Variants in SLC26A4 observed in about 807,000 individuals in gnomAD.
SLC26A4 encodes the protein pendrin.
SLC26A4 carries 93 observed loss-of-function variants against 90.4 expected under a neutral mutation model. The ratio of observed to expected loss-of-function variants is 1.03; its 90% CI spans 0.87 to 1.22. The LOEUF is 1.22. Among genes scored for constraint, SLC26A4 ranks in the 50% most tolerant of loss-of-function variants. The pLI, the probability that SLC26A4 is intolerant of heterozygous loss-of-function variation, is 0.00. For synonymous variants in SLC26A4, 393 were observed against 354.6 expected, an observed-to-expected ratio of 1.11 and a Z score of -1.22; for missense variants, 1,127 against 946.2, an observed-to-expected ratio of 1.19 and a Z score of -2.51.
chr7:107,712,727 TC>T, intron 20 of SLC26A4, 105 bp downstream of exon 20: 2 of 739,366 alleles, frequency 2.7e-6, no homozygotes, highest in Non-Finnish European at 2.4e-6. Context: ...GGAACATAAT[TC>T]CCCCAAATGC....
chr7:107,715,748 CAGTT>C lies in SLC26A4; in HGVS notation c.*305_*308del. 1 of 465,298 alleles carries C rather than the reference CAGTT, an allele frequency of 2.1e-6. No homozygotes were observed. The highest frequency in any genetic ancestry group is 3.9e-6 in the Non-Finnish European group (1 of 255,034). The allele number at this position is 465,298 out of a possible 1,614,324, so 28.8% of individuals were successfully genotyped here. ...ACGTGGGCCCTGGCATATCTCTGTT[CAGTT>C]AGAGTGAGTGCTGACCCAACAGCCT... is the stretch of plus-strand genomic sequence containing the variant. On this transcript the variant is annotated 3_prime_UTR_variant, in exon 21 of 21. Coordinates refer to ENST00000644269, the MANE Select transcript of SLC26A4 (RefSeq NM_000441.2).
Position 107,701,831 on chromosome 7 carries a change from G to A in SLC26A4, c.1808G>A (p.Gly603Asp), listed in dbSNP as rs1791894499. The A allele has an allele frequency of 1.3e-6, 2 of 1,585,856 alleles. No homozygotes were observed. The highest frequency in any genetic ancestry group is 8.7e-7 in the Non-Finnish European group (1 of 1,154,564). ...KSGQLRATKN[G>D]IISDAVSTNN... ...GACAGTGTTTTCTTCGTTTAGAATG[G>A]CATCATAAGTGATGCTGTTTCAACA... is the stretch of plus-strand genomic sequence containing the variant. Residue 603 changes from glycine to aspartate, a missense_variant, in exon 17 of 21, where the codon GGC becomes GAC. Transcript: ENST00000644269.
intron 10 of SLC26A4, among the ~76,000 whole-genome samples, chr7:107,690,703 T>A (rs1173625861): frequency 6.6e-6 from 1 of 152,150 alleles, no homozygotes; most frequent in Non-Finnish European, 1.5e-5. Flanking sequence ...AACAACAGTT[T>A]GCTAGCCAAG....
intron 17 of SLC26A4, among the ~76,000 whole-genome samples, chr7:107,703,033 A>G (rs1437117453): frequency 6.6e-6 from 1 of 152,240 alleles, no homozygotes; most frequent in East Asian, 1.9e-4. Flanking sequence ...AATTCTGTCA[A>G]CAAATAGATG....
intron 15 of SLC26A4, among the ~76,000 whole-genome samples, chr7:107,700,502 G>A (rs1218794717): frequency 6.6e-6 from 1 of 152,194 alleles, no homozygotes; most frequent in Non-Finnish European, 1.5e-5. Context: ...AGGTTAGTTG[G>A]ACTAACAGGC....
At chr7:107,707,417 A>T (rs7777227) in intron 18 of SLC26A4, among the ~76,000 whole-genome samples, 3,785 of 152,286 alleles carry the variant, frequency 0.025, 156 homozygotes, top group African/African-American at 0.086. Flanking sequence ...TTCTTCCCAT[A>T]TAACTCTTTG....
At chr7:107,667,644 A>T (rs566448000) in intron 3 of SLC26A4, among the ~76,000 whole-genome samples, 1 of 152,098 alleles carries the variant, frequency 6.6e-6, no homozygotes, top group South Asian at 2.1e-4. Flanking sequence ...AGATACTAGA[A>T]CGTATTTGTG....
chr7:107,710,248 T>A, intron 19 of SLC26A4, 49 bp downstream of exon 19: 1 of 1,336,878 alleles, frequency 7.5e-7, no homozygotes, highest in Non-Finnish European at 1.1e-6. Context: ...ACTATCATGA[T>A]TTCTATAAAT....
At chr7:107,667,461 T>TAAAA (rs60333058) in intron 3 of SLC26A4, among the ~76,000 whole-genome samples, 1 of 39,258 alleles carries the variant, frequency 2.5e-5, no homozygotes, top group African/African-American at 1.1e-4. Flanking sequence ...AGAGAAGGTT[T>TAAAA]AAAAAAAAAA....
At chr7:107,673,269 G>A (rs760320789) in intron 4 of SLC26A4, among the ~76,000 whole-genome samples, 3 of 151,824 alleles carry the variant, frequency 2.0e-5, no homozygotes, top group Non-Finnish European at 4.4e-5. Flanking sequence ...AGTAGTGAAC[G>A]GAGCAATTGC....
At chr7:107,694,555 A>AT in intron 11 of SLC26A4, 66 bp from the exon 12 acceptor site, 1 of 1,527,978 alleles carries the variant, frequency 6.5e-7, no homozygotes, top group Non-Finnish European at 9.1e-7. Context: ...ATAACAGGAG[A>AT]TTTAACAATC....
chr7:107,663,302 A>G lies in SLC26A4; in HGVS notation c.171A>G (p.Ser57=). Residue 57 remains serine, a synonymous_variant, in exon 3 of 21, where the codon TCA becomes TCG. Transcript: ENST00000644269. The stretch of plus-strand genomic sequence containing the variant: ...TTTTCTTGCTTTTTGACAGTTGTTC[A>G]AGAAAGAGAGCCTTTGGTGTGCTAA... ...RESLAKCCSC[S]RKRAFGVLKT... 6.2e-7 allele frequency: 1 copy of G among 1,614,222 alleles called. No individual in the cohort carries two copies. Among genetic ancestry groups the G allele is most frequent in the Non-Finnish European group, 8.5e-7 (1 of 1,180,040 alleles).
intron 20 of SLC26A4, among the ~76,000 whole-genome samples, chr7:107,715,066 T>TAAAAA (rs543905042): frequency 3.0e-5 from 3 of 98,676 alleles, no homozygotes; most frequent in South Asian, 4.6e-4. Context: ...CCATCTCTAC[T>TAAAAA]AAAAAAAAAA....
intron 10 of SLC26A4, among the ~76,000 whole-genome samples, chr7:107,691,514 TAC>T (rs113976786): frequency 1.8e-3 from 240 of 130,992 alleles, no homozygotes; most frequent in Middle Eastern, 0.016. Flanking sequence ...AATATATATA[TAC>T]ACACACACAC....
At chr7:107,685,774 G>C (rs1791380021) in intron 8 of SLC26A4, among the ~76,000 whole-genome samples, 1 of 152,186 alleles carries the variant, frequency 6.6e-6, no homozygotes, top group Admixed American at 6.5e-5. Context: ...CATGCAACTG[G>C]TCCTTATCTG....
intron 10 of SLC26A4, chr7:107,693,058 C>T (rs117096681): frequency 9.7e-4 from 148 of 151,978 alleles, no homozygotes; most frequent in Non-Finnish European, 1.8e-3. Context: ...GCAAGTGGCT[C>T]GGTAAATACT....
At chr7:107,686,557 G>A (rs6954570) in intron 8 of SLC26A4, among the ~76,000 whole-genome samples, 75,837 of 150,628 alleles carry the variant, frequency 0.5, 19,261 homozygotes, top group East Asian at 0.63. Context: ...GCATGATCTC[G>A]GCTCACTGCA....
chr7:107,714,024 C>T (rs1792269901), intron 20 of SLC26A4, among the ~76,000 whole-genome samples: 1 of 152,060 alleles, frequency 6.6e-6, no homozygotes, highest in Non-Finnish European at 1.5e-5. Context: ...AAGAGATTCT[C>T]ACGTGTGCCT....
At chr7:107,710,326 C>T in intron 19 of SLC26A4, 127 bp downstream of exon 19, 1 of 722,060 alleles carries the variant, frequency 1.4e-6, no homozygotes, top group Non-Finnish European at 2.4e-6. Context: ...CATGGAGCCT[C>T]AGTTTTTTCA....
Sources: allele counts gnomAD v4.1 joint callset (sites outside exome capture counted in the v4.1 genomes callset), GRCh38; gene constraint gnomAD v4.1.1; transcripts MANE v1.5; gene names NCBI Gene and HGNC (gene_info 2026-07-23, HGNC 2026-07-21).